Variants in ARFGEF2 observed in about 807,000 individuals in gnomAD.
ARFGEF2 encodes ARF guanine nucleotide exchange factor 2.
A neutral mutation model predicts 219.9 loss-of-function variants in ARFGEF2; 74 were observed. The observed-to-expected ratio is 0.34, with a 90% CI of 0.28 to 0.41. ARFGEF2 has a LOEUF of 0.41. Ranked by LOEUF, ARFGEF2 falls within the 10% of genes least tolerant of loss-of-function variation. The pLI, the probability that ARFGEF2 is intolerant of heterozygous loss-of-function variation, is 1.00. For missense variants in ARFGEF2, 1,743 were observed against 2,218.3 expected (o/e 0.79, Z 4.30); for synonymous variants, 733 against 799.2 (o/e 0.92, Z 1.40).
At chr20:49,019,041 A>G in intron 34 of ARFGEF2, 43 bp downstream of exon 34, 1 of 1,483,294 alleles carries the variant, frequency 6.7e-7, no homozygotes, top group Non-Finnish European at 9.3e-7. Context: ...TAACATGTTT[A>G]TGTGATTCAT....
chr20:49,003,042 A>G, intron 25 of ARFGEF2, among the ~76,000 whole-genome samples: 1 of 138,540 alleles, frequency 7.2e-6, no homozygotes, highest in Non-Finnish European at 1.5e-5. Flanking sequence ...ATTTTGGCTC[A>G]CTACAACCTC....
chr20:48,948,086 A>G (rs1163237307), intron 3 of ARFGEF2, among the ~76,000 whole-genome samples: 1 of 152,212 alleles, frequency 6.6e-6, no homozygotes, highest in East Asian at 1.9e-4. Flanking sequence ...TGAAAAATCA[A>G]TTTTTAATTA....
intron 1 of ARFGEF2, among the ~76,000 whole-genome samples, chr20:48,924,682 T>G (rs114035383): frequency 6.4e-4 from 97 of 152,220 alleles, no homozygotes; most frequent in African/African-American, 2.2e-3. Flanking sequence ...AGGAAACAGC[T>G]TCTGTGATAT....
chr20:48,947,125 G>A (rs2091033756), intron 3 of ARFGEF2, among the ~76,000 whole-genome samples: 1 of 152,204 alleles, frequency 6.6e-6, no homozygotes, highest in African/African-American at 2.4e-5. Flanking sequence ...AGGGCCAGGT[G>A]CGGTAGCTCA....
chr20:48,994,833 A>G (rs949517059), intron 22 of ARFGEF2, among the ~76,000 whole-genome samples: 1 of 152,134 alleles, frequency 6.6e-6, no homozygotes. Flanking sequence ...TTCTATACCT[A>G]TCACTATATT....
At position 48,921,944 on chromosome 20, in the gene ARFGEF2, C is replaced by T. The variant is rs776200335; in HGVS notation, c.55C>T (p.Leu19=). ...MFVSRALEKI[L]ADKEVKRPQH... is the part of the protein sequence containing the mutation. Reference sequence around the variant, plus strand: ...CGTGTCCCGGGCCCTGGAGAAGATCCTAGCCGACAAGGAGGTGAAGCGGCC... The same window carrying T: ...CGTGTCCCGGGCCCTGGAGAAGATCTTAGCCGACAAGGAGGTGAAGCGGCC... Residue 19 remains leucine (L), a synonymous_variant, in exon 1 of 39, where the codon CTA becomes TTA. Transcript: ENST00000371917. 1.3e-6 allele frequency: 2 copies of T among 1,567,634 alleles called. No individual in the cohort carries two copies. The highest frequency in any genetic ancestry group is 2.4e-5 in the East Asian group (1 of 42,218).
At chr20:48,999,381 C>G (rs1274316443) in intron 25 of ARFGEF2, 2 of 276,920 alleles carry the variant, frequency 7.2e-6, no homozygotes, top group Admixed American at 5.1e-5. Flanking sequence ...CAGACATATG[C>G]ACACATGTTG....
At chr20:48,951,587 A>G (rs969913157) in intron 4 of ARFGEF2, 118 bp downstream of exon 4, 22 of 1,367,602 alleles carry the variant, frequency 1.6e-5, no homozygotes, top group Non-Finnish European at 2.2e-5. Flanking sequence ...TGGAACAGAA[A>G]GATTTAAGCG....
At position 48,921,987 on chromosome 20, in the gene ARFGEF2, G is replaced by C. The variant is rs868644761; in HGVS notation, c.98G>C (p.Arg33Pro). 5.7e-6 allele frequency: 9 copies of C among 1,579,676 alleles called. No individual in the cohort carries two copies. Among genetic ancestry groups the C allele is most frequent in the Admixed American group, 1.8e-5 (1 of 54,880 alleles). The stretch of plus-strand genomic sequence containing the variant: ...AAGCGGCCCCAGCACTCCCAGCTGC[G>C]CAGGGCCTGCCAGGTGGCGCTCGGT... ...EVKRPQHSQLRRACQVALDEI... is the reference protein window; with the variant it reads ...EVKRPQHSQLPRACQVALDEI... Residue 33 changes from arginine (R) to proline (P), a missense_variant, in exon 1 of 39, where the codon CGC (arginine) becomes CCC (proline). Physicochemically the swap from Arg to Pro is moderately radical, Grantham distance 103 (BLOSUM62 -2). This residue lies in a region of ARFGEF2 where 394 missense variants were observed against 426.6 expected (regional missense o/e 0.92). Coordinates refer to ENST00000371917, the MANE Select transcript of ARFGEF2 (RefSeq NM_006420.3).
At position 48,945,485 on chromosome 20, in the gene ARFGEF2, T is replaced by C. The variant is rs551212021; in HGVS notation, c.276+3498T>C. ...TTCTGGAACTCCTTGCATCTGAGTA[T>C]GATTTCAAACGGAAACACACCCTGC... On this transcript the variant is annotated intron_variant, in intron 3 of 38. Transcript: ENST00000371917. 1.1e-3 allele frequency among the ~76,000 whole-genome samples: 170 copies of C among 152,310 alleles called. 1 individual carries two copies. The highest frequency in any genetic ancestry group is 2.4e-3 in the Admixed American group (36 of 15,306).
intron 1 of ARFGEF2, among the ~76,000 whole-genome samples, chr20:48,937,062 G>T (rs981042427): frequency 3.3e-5 from 5 of 152,150 alleles, no homozygotes; most frequent in African/African-American, 1.2e-4. Context: ...TTCCAGCCTG[G>T]GTGAGAGGGT....
intron 1 of ARFGEF2, among the ~76,000 whole-genome samples, chr20:48,923,060 G>T (rs897696829): frequency 1.3e-5 from 2 of 152,126 alleles, no homozygotes; most frequent in Admixed American, 1.3e-4. Flanking sequence ...GTAATCAGGT[G>T]GTCAGGAAAG....
At chr20:48,935,146 G>T (rs2090939592) in intron 1 of ARFGEF2, among the ~76,000 whole-genome samples, 1 of 151,854 alleles carries the variant, frequency 6.6e-6, no homozygotes, top group Admixed American at 6.6e-5. Context: ...CGCAGGGGGG[G>T]ATTTGGCAGG....
chr20:48,959,698 C>T (rs1010606536), intron 6 of ARFGEF2, among the ~76,000 whole-genome samples: 3 of 149,858 alleles, frequency 2.0e-5, no homozygotes, highest in Non-Finnish European at 4.4e-5. Flanking sequence ...CAACCTCTGC[C>T]TCTCAGGCTC....
At position 49,035,271 on chromosome 20, in the gene ARFGEF2, C is replaced by G. The variant is rs571767130; in HGVS notation, c.*2072C>G. 2 of 152,330 alleles carry G rather than the reference C, an allele frequency of 1.3e-5. No individual in the cohort carries two copies. The highest frequency in any genetic ancestry group is 4.1e-4 in the South Asian group (2 of 4,830). 9.4% of individuals were successfully genotyped at this position (152,330 alleles called of 1,614,324 possible). A position where few individuals can be genotyped will look rare whatever the true frequency, so the allele number is the denominator to read the frequency against. On this transcript the variant is annotated 3_prime_UTR_variant, in exon 39 of 39. Coordinates refer to ENST00000371917, the MANE Select transcript of ARFGEF2 (RefSeq NM_006420.3). ...AAATTTTTCTGGTGTCTTCTGCCCT[C>G]TCTTTAATTTTGCCTCTTGAGGGGT...
chr20:48,965,825 G>T (rs373019522), intron 7 of ARFGEF2, 47 bp from the exon 8 acceptor site: 4 of 1,611,558 alleles, frequency 2.5e-6, no homozygotes, highest in Non-Finnish European at 3.4e-6. Flanking sequence ...GCCCTTTAGG[G>T]TAAGTACAGT....
At chr20:48,971,854 T>G (rs1304775167) in intron 10 of ARFGEF2, among the ~76,000 whole-genome samples, 3 of 151,470 alleles carry the variant, frequency 2.0e-5, no homozygotes, top group African/African-American at 7.3e-5. Context: ...TGAGCCAAGA[T>G]TGCACCACTG....
Position 49,013,712 on chromosome 20 carries a change from C to T in ARFGEF2, c.4049+18C>T, listed in dbSNP as rs527503042. 29 of 1,614,080 alleles carry T rather than the reference C, an allele frequency of 1.8e-5. No homozygotes were observed. Among genetic ancestry groups the T allele is most frequent in the African/African-American group, 8.0e-5 (6 of 75,012 alleles). ...CGAACAAGGTAACCATGTTCCCGTG[C>T]GGTGGCCCCTTACATCACTGAAATG... On this transcript the variant is annotated intron_variant, in intron 29 of 38. Transcript: ENST00000371917.
chr20:49,019,849 G>C lies in ARFGEF2; in HGVS notation c.4624+851G>C, dbSNP rs752709267. On this transcript the variant is annotated intron_variant, in intron 34 of 38. Transcript: ENST00000371917. ...TTGTTGGCCCCTTTTTTATTGGTTT[G>C]GAGGAGCTCTTATGTACTAGAAATC... 3.0e-4 allele frequency among the ~76,000 whole-genome samples: 45 copies of C among 152,012 alleles called. 1 individual carries two copies. Among genetic ancestry groups the C allele is most frequent in the Non-Finnish European group, 4.3e-4 (29 of 68,012 alleles).
Sources: gnomAD v4.1 joint callset for allele counts (sites outside exome capture counted in the v4.1 genomes callset) on GRCh38, gnomAD v4.1.1 for gene constraint, gnomAD v4.1.1 regional missense constraint, MANE v1.5 for transcripts, NCBI Gene and HGNC (gene_info 2026-07-23, HGNC 2026-07-21) for gene names.